LRMDA: variants seen among roughly 807,000 people sequenced by gnomAD.
The protein encoded by LRMDA is leucine rich melanocyte differentiation associated.
A neutral mutation model predicts 29.8 loss-of-function variants in LRMDA; 18 were observed. The ratio of observed to expected loss-of-function variants is 0.60; its 90% CI spans 0.42 to 0.90. The LOEUF (loss-of-function observed/expected upper bound fraction) is 0.90, where lower values mean the gene tolerates loss of function less well. Ranked by LOEUF, LRMDA falls within the 40% of genes least tolerant of loss-of-function variation. The probability of loss-of-function intolerance (pLI) is 0.00; values close to 1 mark genes in which losing one functional copy is unlikely to be tolerated. For synonymous variants in LRMDA, 125 were observed against 109.4 expected (o/e 1.14, Z -0.89); for missense variants, 273 against 273.9 (o/e 1.00, Z 0.02).
chr10:75,637,315 A>G (rs1277160651), intron 2 of LRMDA, among the ~76,000 whole-genome samples: 2 of 152,198 alleles, frequency 1.3e-5, no homozygotes, highest in Non-Finnish European at 2.9e-5. Flanking sequence ...GTGGTCAAGG[A>G]AAGTTGTGCT....
At chr10:75,839,211 G>A (rs775556553) in intron 2 of LRMDA, among the ~76,000 whole-genome samples, 4 of 152,212 alleles carry the variant, frequency 2.6e-5, no homozygotes, top group Non-Finnish European at 5.9e-5. Context: ...ACATTTGTTC[G>A]TAAAACTTGC....
intron 2 of LRMDA, among the ~76,000 whole-genome samples, chr10:75,462,814 A>G (rs1844602933): frequency 6.6e-6 from 1 of 152,240 alleles, no homozygotes; most frequent in South Asian, 2.1e-4. Flanking sequence ...CAATAAAAAC[A>G]TTCCAGGTAG....
chr10:76,047,291 A>G lies in LRMDA; in HGVS notation c.386A>G (p.Tyr129Cys), dbSNP rs376517849. Residue 129 changes from tyrosine (Y) to cysteine (C), a missense_variant, in exon 4 of 7, where the codon TAC becomes TGC. Tyr to Cys is a radical substitution (Grantham distance 194). Coordinates refer to ENST00000611255, the MANE Select transcript of LRMDA (RefSeq NM_001305581.2). ...LVSLEKDEED[Y>C]KRYRCFVLYK... The stretch of plus-strand genomic sequence containing the variant: ...AGCTTGGAAAAGGATGAGGAAGACT[A>G]CAAGAGATACAGGTGAGTGTCCAGG... 4.5e-5 allele frequency: 73 copies of G among 1,611,914 alleles called. No individual in the cohort carries two copies. Among genetic ancestry groups the G allele is most frequent in the Non-Finnish European group, 5.7e-5 (67 of 1,179,082 alleles).
Position 75,562,184 on chromosome 10 carries a change from T to C in LRMDA, c.131+123690T>C, listed in dbSNP as rs962348847. ...GGAGTCTAAGTCTCTTTGTAGGTCA[T>C]TCAGGACTTGCTTTATGAATCTGGG... On this transcript the variant is annotated intron_variant, in intron 2 of 6. Coordinates refer to ENST00000611255, the MANE Select transcript of LRMDA (RefSeq NM_001305581.2). Among the ~76,000 whole-genome samples the C allele has an allele frequency of 5.0e-4, 76 of 152,208 alleles. 1 individual carries two copies. The highest frequency in any genetic ancestry group is 1.8e-3 in the African/African-American group (74 of 41,506).
chr10:75,814,143 C>T (rs1175052347), intron 2 of LRMDA, among the ~76,000 whole-genome samples: 1 of 152,220 alleles, frequency 6.6e-6, no homozygotes, highest in Non-Finnish European at 1.5e-5. Context: ...ACACTGGGCC[C>T]TTGAACTTGA....
chr10:75,817,090 A>G (rs1376595573), intron 2 of LRMDA, among the ~76,000 whole-genome samples: 2 of 152,150 alleles, frequency 1.3e-5, no homozygotes, highest in African/African-American at 4.8e-5. Context: ...CATATCTGAC[A>G]TTTGTTCAGC....
At chr10:75,991,762 T>A (rs1847373877) in intron 2 of LRMDA, among the ~76,000 whole-genome samples, 1 of 152,228 alleles carries the variant, frequency 6.6e-6, no homozygotes, top group Non-Finnish European at 1.5e-5. Flanking sequence ...AACTAAAACC[T>A]AGCACAGTCA....
chr10:75,661,941 G>C (rs925016574), intron 2 of LRMDA, among the ~76,000 whole-genome samples: 1 of 152,140 alleles, frequency 6.6e-6, no homozygotes, highest in African/African-American at 2.4e-5. Flanking sequence ...CAGTATACCA[G>C]ACAAATTACA....
At chr10:76,287,114 C>T (rs1840281554) in intron 5 of LRMDA, among the ~76,000 whole-genome samples, 1 of 152,080 alleles carries the variant, frequency 6.6e-6, no homozygotes, top group South Asian at 2.1e-4. Context: ...TACTAAATGT[C>T]CCCTCTTATC....
intron 2 of LRMDA, chr10:75,451,663 T>G (rs909832454): frequency 6.6e-6 from 1 of 152,146 alleles, no homozygotes; most frequent in Non-Finnish European, 1.5e-5. Context: ...TACAAATAAC[T>G]GATTTTGTTT....
intron 6 of LRMDA, among the ~76,000 whole-genome samples, chr10:76,502,291 T>C (rs1053280863): frequency 1.3e-4 from 20 of 152,006 alleles, no homozygotes; most frequent in African/African-American, 4.6e-4. Flanking sequence ...GGTCTGGTAG[T>C]GTGGTGCCTC....
At chr10:76,119,169 A>G (rs898001098) in intron 5 of LRMDA, among the ~76,000 whole-genome samples, 5 of 151,594 alleles carry the variant, frequency 3.3e-5, no homozygotes, top group African/African-American at 1.2e-4. Flanking sequence ...TTCTTGTAAA[A>G]GAGGAGGCAT....
intron 2 of LRMDA, among the ~76,000 whole-genome samples, chr10:75,931,773 T>C (rs890738992): frequency 1.3e-5 from 2 of 152,200 alleles, no homozygotes; most frequent in African/African-American, 2.4e-5. Context: ...CTGCTTCTCT[T>C]GCTGGGGAAG....
At chr10:76,171,664 G>A (rs1278599319) in intron 5 of LRMDA, among the ~76,000 whole-genome samples, 1 of 152,156 alleles carries the variant, frequency 6.6e-6, no homozygotes, top group African/African-American at 2.4e-5. Context: ...GGCTGTGGGT[G>A]ATTCTTTAAG....
intron 2 of LRMDA, among the ~76,000 whole-genome samples, chr10:75,672,989 T>C (rs1349468999): frequency 6.6e-6 from 1 of 151,544 alleles, no homozygotes; most frequent in East Asian, 1.9e-4. Flanking sequence ...CTCTAAAGAC[T>C]ATAATTCCTT....
At chr10:75,961,848 A>G (rs1846772589) in intron 2 of LRMDA, among the ~76,000 whole-genome samples, 1 of 152,218 alleles carries the variant, frequency 6.6e-6, no homozygotes, top group African/African-American at 2.4e-5. Context: ...TCAAGATGTC[A>G]GTCGGGTTAC....
intron 5 of LRMDA, among the ~76,000 whole-genome samples, chr10:76,157,876 T>C (rs1375819389): frequency 6.6e-6 from 1 of 152,150 alleles, no homozygotes; most frequent in Non-Finnish European, 1.5e-5. Flanking sequence ...ACCTAGGCCA[T>C]ATGGTATAGC....
chr10:76,242,804 C>T (rs761296951), intron 5 of LRMDA, among the ~76,000 whole-genome samples: 21 of 152,186 alleles, frequency 1.4e-4, no homozygotes, highest in Non-Finnish European at 2.5e-4. Flanking sequence ...AACCATACAA[C>T]ACCGAGTTGT....
At chr10:76,146,183 G>A (rs1030377249) in intron 5 of LRMDA, among the ~76,000 whole-genome samples, 3 of 152,168 alleles carry the variant, frequency 2.0e-5, no homozygotes, top group Non-Finnish European at 4.4e-5. Context: ...TTGGGGTGGA[G>A]AGTTCTGTAG....
Sources: allele counts gnomAD v4.1 joint callset (sites outside exome capture counted in the v4.1 genomes callset), GRCh38; gene constraint gnomAD v4.1.1; transcripts MANE v1.5; gene names NCBI Gene and HGNC (gene_info 2026-07-23, HGNC 2026-07-21).